The following LARGE1 variants were observed in gnomAD, a reference collection of about 807,000 sequenced individuals.
LARGE1 encodes LARGE xylosyl- and glucuronyltransferase 1.
LARGE1 carries 43 observed loss-of-function variants against 87.6 expected under a neutral mutation model. The ratio of observed to expected loss-of-function variants is 0.49; its 90% CI spans 0.38 to 0.63. The LOEUF (loss-of-function observed/expected upper bound fraction) is 0.63, where lower values mean the gene tolerates loss of function less well. LARGE1 is among the 30% of genes least tolerant of loss of function. LARGE1 has a pLI of 0.00. For synonymous variants in LARGE1, 434 were observed against 394.6 expected, an observed-to-expected ratio of 1.10 and a Z score of -1.18; for missense variants, 802 against 1,000.2, an observed-to-expected ratio of 0.80 and a Z score of 2.67.
chr22:33,103,661 T>C, the LARGE1 span, among the ~76,000 whole-genome samples: 5 of 152,078 alleles, frequency 3.3e-5, no homozygotes, highest in Admixed American at 2.0e-4. Context: ...AAACCCCTGA[T>C]AAGGAAACAG....
At chr22:33,181,827 C>CTTTTTTTTTT (rs56347007) in intron 11 of LARGE1, among the ~76,000 whole-genome samples, 1 of 128,476 alleles carries the variant, frequency 7.8e-6, no homozygotes, top group East Asian at 2.2e-4. Flanking sequence ...TATGCCTGGC[C>CTTTTTTTTTT]TTTTTTTTTT....
chr22:33,563,707 C>T (rs1221941693), intron 6 of LARGE1, among the ~76,000 whole-genome samples: 1 of 152,182 alleles, frequency 6.6e-6, no homozygotes, highest in East Asian at 1.9e-4. Context: ...GATTAGAGAG[C>T]TGTGCCATAC....
chr22:33,712,456 C>T (rs1290804638), intron 2 of LARGE1, among the ~76,000 whole-genome samples: 2 of 152,114 alleles, frequency 1.3e-5, no homozygotes, highest in African/African-American at 4.8e-5. Context: ...AACCCACTGG[C>T]TATGAGGTGG....
chr22:33,605,784 C>T (rs954397956), intron 4 of LARGE1, among the ~76,000 whole-genome samples: 4 of 152,200 alleles, frequency 2.6e-5, no homozygotes, highest in Admixed American at 2.0e-4. Flanking sequence ...AGAGCTCATA[C>T]TGCTCAGAGA....
chr22:33,278,744 G>T (rs918289170), intron 13 of LARGE1, among the ~76,000 whole-genome samples: 5 of 151,792 alleles, frequency 3.3e-5, no homozygotes, highest in African/African-American at 1.2e-4. Context: ...TTTTTGGGAT[G>T]GAGTCTCGCT....
chr22:33,811,022 C>T (rs941344203), intron 1 of LARGE1, among the ~76,000 whole-genome samples: 4 of 152,168 alleles, frequency 2.6e-5, no homozygotes, highest in Non-Finnish European at 4.4e-5. Flanking sequence ...GTTACTGCAG[C>T]ATAACCTAAC....
chr22:33,621,183 C>A (rs2079739605), intron 4 of LARGE1, among the ~76,000 whole-genome samples: 1 of 152,016 alleles, frequency 6.6e-6, no homozygotes, highest in African/African-American at 2.4e-5. Context: ...AGAGAATGTT[C>A]CATTATTTAT....
rs1255313940 is a variant in LARGE1, at chr22:33,274,561, C to T, written c.2137G>A (p.Asp713Asn). ...TTGTTGGAACGGAACTTGGTAATGTCGAAGCTGGGGGCATGAGGCATGTGG... is the reference window on the plus strand; with the variant it reads ...TTGTTGGAACGGAACTTGGTAATGTTGAAGCTGGGGGCATGAGGCATGTGG... ...MIHMPHAPSF[D>N]ITKFRSNKQY... The change falls in exon 15 of 15, where the codon GAC becomes AAC. Residue 713 changes from aspartate to asparagine, a missense_variant. Around this residue, in one of 2 missense-constraint regions of LARGE1, gnomAD observed 625 missense variants for 841.9 expected, o/e 0.74. Coordinates refer to ENST00000397394, the MANE Select transcript of LARGE1 (RefSeq NM_133642.5). 5 of 1,613,844 alleles carry T rather than the reference C, an allele frequency of 3.1e-6. No individual in the cohort carries two copies. Among genetic ancestry groups the T allele is most frequent in the Non-Finnish European group, 4.2e-6 (5 of 1,180,020 alleles).
At chr22:33,340,499 C>T (rs904268194) in intron 9 of LARGE1, among the ~76,000 whole-genome samples, 1 of 151,856 alleles carries the variant, frequency 6.6e-6, no homozygotes, top group East Asian at 1.9e-4. Context: ...TGTGAGGTGG[C>T]CCTGGTCATA....
intron 11 of LARGE1, among the ~76,000 whole-genome samples, chr22:33,201,481 G>A (rs1204278318): frequency 6.6e-6 from 1 of 152,076 alleles, no homozygotes; most frequent in Admixed American, 6.6e-5. Context: ...CAGGTAAGGG[G>A]TAACTGAAAT....
intron 1 of LARGE1, among the ~76,000 whole-genome samples, chr22:33,903,564 C>T (rs112791303): frequency 2.6e-5 from 4 of 152,078 alleles, no homozygotes; most frequent in African/African-American, 4.8e-5. Flanking sequence ...CGGTGGCTCA[C>T]GCCTGTAATC....
At chr22:33,172,664 A>T (rs1032354192) in intron 11 of LARGE1, among the ~76,000 whole-genome samples, 2 of 152,220 alleles carry the variant, frequency 1.3e-5, no homozygotes, top group African/African-American at 4.8e-5. Context: ...TGTGCTAAGT[A>T]TCATGTGATA....
At chr22:33,276,322 A>G (rs1929286879) in intron 14 of LARGE1, among the ~76,000 whole-genome samples, 2 of 152,174 alleles carry the variant, frequency 1.3e-5, no homozygotes, top group African/African-American at 2.4e-5. Context: ...AAATTGAAGC[A>G]TGTCTGGTCC....
Position 33,785,110 on chromosome 22 carries a change from CAT to C in LARGE1, c.-82-23554_-82-23553del, listed in dbSNP as rs201221451. Reference sequence around the variant, plus strand: ...ATGTGTATATACATGTGTATACATACATATGTGTATATGCATATATGTGTATA... The same window carrying C: ...ATGTGTATATACATGTGTATACATACATGTGTATATGCATATATGTGTATA... On this transcript the variant is annotated intron_variant, in intron 1 of 14. Coordinates refer to ENST00000397394, the MANE Select transcript of LARGE1 (RefSeq NM_133642.5). Among the ~76,000 whole-genome samples the C allele has an allele frequency of 2.6e-3, 144 of 55,728 alleles. 7 individuals carry two copies. Among genetic ancestry groups the C allele is most frequent in the African/African-American group, 0.012 (132 of 10,900 alleles). The allele number at this position is 55,728 out of a possible 152,430, so 36.6% of individuals were successfully genotyped here.
chr22:33,432,365 A>G, intron 6 of LARGE1, 100 bp from the exon 7 acceptor site: 2 of 845,014 alleles, frequency 2.4e-6, no homozygotes, highest in Non-Finnish European at 4.0e-6. Context: ...CATCACAACA[A>G]CAGTATTCAC....
chr22:33,747,095 C>G (rs1447970798), intron 2 of LARGE1, among the ~76,000 whole-genome samples: 1 of 152,172 alleles, frequency 6.6e-6, no homozygotes, highest in Non-Finnish European at 1.5e-5. Flanking sequence ...AATGCTGGAA[C>G]CAGAGATCTA....
chr22:33,796,904 A>G (rs768650364), intron 1 of LARGE1, among the ~76,000 whole-genome samples: 1 of 151,456 alleles, frequency 6.6e-6, no homozygotes, highest in Non-Finnish European at 1.5e-5. Context: ...AGCTGGGATT[A>G]CAGGGGCACA....
intron 6 of LARGE1, among the ~76,000 whole-genome samples, chr22:33,489,578 A>G (rs895292478): frequency 1.3e-5 from 2 of 152,176 alleles, no homozygotes; most frequent in African/African-American, 4.8e-5. Context: ...TGGTTTTATA[A>G]CAGGTTTCCC....
intron 6 of LARGE1, among the ~76,000 whole-genome samples, chr22:33,524,806 G>A (rs1241761712): frequency 6.6e-6 from 1 of 150,390 alleles, no homozygotes; most frequent in African/African-American, 2.4e-5. Flanking sequence ...TCCCACAGAA[G>A]CTATAAGCAA....
Sources: gnomAD v4.1 joint callset for allele counts (sites outside exome capture counted in the v4.1 genomes callset) on GRCh38, gnomAD v4.1.1 for gene constraint, gnomAD v4.1.1 regional missense constraint, MANE v1.5 for transcripts, NCBI Gene and HGNC (gene_info 2026-07-23, HGNC 2026-07-21) for gene names.